The following CLEC4C variants were observed in gnomAD, a reference collection of about 807,000 sequenced individuals.
CLEC4C encodes the protein C-type (calcium dependent, carbohydrate-recognition domain) lectin, superfamily member 11.
CLEC4C carries 17 observed loss-of-function variants against 27.7 expected under a neutral mutation model. The observed-to-expected ratio is 0.61, with a 90% CI of 0.42 to 0.92. CLEC4C has a LOEUF of 0.92. CLEC4C is among the 40% of genes least tolerant of loss of function. The probability of loss-of-function intolerance (pLI) is 0.00; values close to 1 mark genes in which losing one functional copy is unlikely to be tolerated. For synonymous variants in CLEC4C, 80 were observed against 80.8 expected, an observed-to-expected ratio of 0.99 and a Z score of 0.06; for missense variants, 244 against 257.3, an observed-to-expected ratio of 0.95 and a Z score of 0.35.
chr12:7,741,127 C>CT (rs969884698), intron 3 of CLEC4C, among the ~76,000 whole-genome samples: 1 of 152,064 alleles, frequency 6.6e-6, no homozygotes, highest in Non-Finnish European at 1.5e-5. Flanking sequence ...CGCGCCCGGA[C>CT]TTTTTTTGCA....
chr12:7,734,643 G>C (rs1273827918), intron 4 of CLEC4C, among the ~76,000 whole-genome samples: 1 of 151,402 alleles, frequency 6.6e-6, no homozygotes, highest in Non-Finnish European at 1.5e-5. Context: ...CTGCCCCCTG[G>C]GTTCAAGTGA....
intron 4 of CLEC4C, among the ~76,000 whole-genome samples, chr12:7,734,227 G>T (rs1197499961): frequency 1.3e-5 from 2 of 152,040 alleles, no homozygotes; most frequent in Non-Finnish European, 2.9e-5. Flanking sequence ...GCAGTCTATT[G>T]TCTGCCCAGA....
At chr12:7,740,894 G>A (rs1041165223) in intron 3 of CLEC4C, among the ~76,000 whole-genome samples, 1 of 150,464 alleles carries the variant, frequency 6.6e-6, no homozygotes. Context: ...AGGCTGGAGT[G>A]CAGTGGCGCG....
chr12:7,739,939 A>G (rs1473874647), intron 3 of CLEC4C, among the ~76,000 whole-genome samples: 1 of 151,362 alleles, frequency 6.6e-6, no homozygotes, highest in Non-Finnish European at 1.5e-5. Context: ...GGTTCAAGTG[A>G]TTCTCCTGCC....
At chr12:7,733,621 A>T (rs1805008613) in intron 4 of CLEC4C, among the ~76,000 whole-genome samples, 1 of 151,312 alleles carries the variant, frequency 6.6e-6, no homozygotes, top group Non-Finnish European at 1.5e-5. Context: ...AGCTGGAACT[A>T]CAGGCTCCCG....
chr12:7,738,248 A>T (rs1036273584), intron 3 of CLEC4C, among the ~76,000 whole-genome samples: 1 of 152,152 alleles, frequency 6.6e-6, no homozygotes, highest in Non-Finnish European at 1.5e-5. Context: ...CTAAGCCTTA[A>T]ATATTTTTCT....
At chr12:7,746,222 A>G (rs1349830945) in intron 2 of CLEC4C, 109 bp downstream of exon 2, 3 of 670,094 alleles carry the variant, frequency 4.5e-6, no homozygotes, top group Non-Finnish European at 5.0e-6. Context: ...TCAAAAAAAA[A>G]AAAAAAAAAA....
intron 2 of CLEC4C, among the ~76,000 whole-genome samples, chr12:7,744,190 A>G (rs1864922611): frequency 1.3e-5 from 2 of 152,172 alleles, no homozygotes; most frequent in Non-Finnish European, 2.9e-5. Context: ...CAAATTTCAA[A>G]TTTTCAACAT....
At chr12:7,742,511 G>GGA (rs1864879331) in intron 2 of CLEC4C, among the ~76,000 whole-genome samples, 1 of 119,012 alleles carries the variant, frequency 8.4e-6, no homozygotes, top group Non-Finnish European at 1.7e-5. Context: ...ACTTTGTCTC[G>GGA]AAAAAAAAAA....
At chr12:7,743,370 C>T (rs1864900687) in intron 2 of CLEC4C, among the ~76,000 whole-genome samples, 1 of 150,228 alleles carries the variant, frequency 6.7e-6, no homozygotes, top group Admixed American at 6.9e-5. Flanking sequence ...CACTTATCCT[C>T]ACTTAATTCT....
intron 4 of CLEC4C, 102 bp from the exon 5 acceptor site, chr12:7,731,014 GC>G: frequency 1.7e-6 from 1 of 593,298 alleles, no homozygotes; most frequent in East Asian, 3.0e-5. Context: ...CTAGCCTCAT[GC>G]ATTTCAAGGA....
Position 7,737,772 on chromosome 12 carries a change from CA to C in CLEC4C, c.236-199del, listed in dbSNP as rs372364099. 2.4e-3 allele frequency among the ~76,000 whole-genome samples: 362 copies of C among 152,244 alleles called. 2 individuals carry two copies. Among genetic ancestry groups the C allele is most frequent in the African/African-American group, 7.1e-3 (297 of 41,552 alleles). ...TATACAGGGACCAGCAAACTTCCTGCAAAAGGCCAGATAGTAAATATCTCAG... is the reference window on the plus strand; with the variant it reads ...TATACAGGGACCAGCAAACTTCCTGCAAAGGCCAGATAGTAAATATCTCAG... On this transcript the variant is annotated intron_variant, in intron 3 of 5. Transcript: ENST00000360345.
intron 2 of CLEC4C, among the ~76,000 whole-genome samples, chr12:7,744,678 G>A (rs1364990257): frequency 6.6e-6 from 1 of 151,962 alleles, no homozygotes; most frequent in Non-Finnish European, 1.5e-5. Context: ...GCAGTGGTAC[G>A]ATTATGGCTC....
In CLEC4C at chr12:7,741,516, A is replaced by G. The variant is rs765794622; in HGVS notation, c.140T>C (p.Met47Thr). Residue 47 changes from methionine (M) to threonine (T), a missense_variant, in exon 3 of 6, where the codon ATG becomes ACG. Physicochemically the swap from Met to Thr is moderately conservative, Grantham distance 81. Coordinates refer to ENST00000360345, the MANE Select transcript of CLEC4C (RefSeq NM_001371390.1). ...TVSSVVPHNF[M>T]YSKTVKRLSK... is the part of the protein sequence containing the mutation. ...CAGCCTCTTGACAGTTTTGCTATACATAAAATTGTGAGGCACTGGGAAAGA... is the reference window on the plus strand; with the variant it reads ...CAGCCTCTTGACAGTTTTGCTATACGTAAAATTGTGAGGCACTGGGAAAGA... 6.3e-7 allele frequency: 1 copy of G among 1,599,992 alleles called. No homozygotes were observed. The highest frequency in any genetic ancestry group is 8.6e-7 in the Non-Finnish European group (1 of 1,168,252).
intron 5 of CLEC4C, among the ~76,000 whole-genome samples, chr12:7,730,354 T>TA (rs139364932): frequency 0.11 from 16,533 of 152,132 alleles, 1,219 homozygotes; most frequent in Middle Eastern, 0.23. Flanking sequence ...AAGAAATACA[T>TA]AAATGGCCGG....
At chr12:7,731,284 C>A (rs1358203122) in intron 4 of CLEC4C, among the ~76,000 whole-genome samples, 3 of 152,056 alleles carry the variant, frequency 2.0e-5, no homozygotes, top group African/African-American at 7.2e-5. Flanking sequence ...AACAGACATA[C>A]AACTCTCCCT....
At chr12:7,741,651 G>C in intron 2 of CLEC4C, 120 bp from the exon 3 acceptor site, 1 of 594,420 alleles carries the variant, frequency 1.7e-6, no homozygotes, top group Non-Finnish European at 3.1e-6. Context: ...ACTTTAGGAG[G>C]CCGAGGTGGG....
intron 4 of CLEC4C, among the ~76,000 whole-genome samples, chr12:7,731,230 G>A (rs1034395353): frequency 1.3e-5 from 2 of 151,986 alleles, no homozygotes; most frequent in Non-Finnish European, 2.9e-5. Flanking sequence ...AAAGCTAAAG[G>A]CAGACTGGGG....
intron 1 of CLEC4C, among the ~76,000 whole-genome samples, chr12:7,746,732 C>T (rs756161435): frequency 6.6e-6 from 1 of 152,320 alleles, no homozygotes; most frequent in Non-Finnish European, 1.5e-5. Flanking sequence ...GTCCTCCTGC[C>T]TCAACCTCTG....
Sources: gnomAD v4.1 joint callset for allele counts (sites outside exome capture counted in the v4.1 genomes callset) on GRCh38, gnomAD v4.1.1 for gene constraint, MANE v1.5 for transcripts, NCBI Gene and HGNC (gene_info 2026-07-23, HGNC 2026-07-21) for gene names.